PARN: variants seen among roughly 807,000 people sequenced by gnomAD.
PARN encodes the protein poly(A)-specific ribonuclease PARN.
PARN carries 71 observed loss-of-function variants against 102.8 expected under a neutral mutation model. The observed-to-expected ratio is 0.69, with a 90% CI of 0.57 to 0.84. The LOEUF (loss-of-function observed/expected upper bound fraction) is 0.84, where lower values mean the gene tolerates loss of function less well. PARN is among the 40% of genes least tolerant of loss of function. The pLI, the probability that PARN is intolerant of heterozygous loss-of-function variation, is 0.00. For missense variants in PARN, 782 were observed against 760.9 expected (o/e 1.03, Z -0.33); for synonymous variants, 261 against 252.9 (o/e 1.03, Z -0.30).
intron 8 of PARN, 77 bp from the exon 9 acceptor site, chr16:14,608,396 G>C: frequency 1.1e-6 from 1 of 946,576 alleles, no homozygotes; most frequent in Non-Finnish European, 1.6e-6. Flanking sequence ...TTGTTGAGAA[G>C]GATTTCGCTT....
chr16:14,618,413 G>A lies in PARN; in HGVS notation c.328-763C>T, dbSNP rs1376738749. On this transcript the variant is annotated intron_variant, in intron 5 of 23. Transcript: ENST00000437198. ...TGAGGCAGGAGAATGGCGTGAACCC[G>A]AGAGGTGGAGCTTGCAGTGAGCCGA... 3.3e-5 allele frequency among the ~76,000 whole-genome samples: 5 copies of A among 151,664 alleles called. No individual in the cohort carries two copies. The East Asian group carries it at 7.8e-4, about 24-fold the overall frequency.
rs1970389899 is a variant in PARN at position 14,594,520 on chromosome 16, G to A, written c.841-1142C>T. On this transcript the variant is annotated intron_variant, in intron 12 of 23. Coordinates refer to ENST00000437198, the MANE Select transcript of PARN (RefSeq NM_002582.4). Reference sequence around the variant, plus strand: ...ACCTGAGGTCGGGAGTTTGAGAACAGCCTGCCCAGCATGGCAAAATCCTGT... The same window carrying A: ...ACCTGAGGTCGGGAGTTTGAGAACAACCTGCCCAGCATGGCAAAATCCTGT... Among the ~76,000 whole-genome samples the A allele has an allele frequency of 2.0e-5, 3 of 152,276 alleles. No homozygotes were observed. The South Asian group carries it at 6.2e-4, about 32-fold the overall frequency.
chr16:14,580,132 G>A (rs374104662), intron 18 of PARN, among the ~76,000 whole-genome samples: 4 of 152,054 alleles, frequency 2.6e-5, no homozygotes, highest in South Asian at 2.1e-4. Flanking sequence ...CCACCGTGCC[G>A]GCTAATTTTT....
At chr16:14,496,623 T>C (rs1964330733) in intron 21 of PARN, among the ~76,000 whole-genome samples, 1 of 152,100 alleles carries the variant, frequency 6.6e-6, no homozygotes, top group African/African-American at 2.4e-5. Flanking sequence ...TAATTTAAGG[T>C]AAAATCAAAG....
Position 14,608,418 on chromosome 16 carries a change from T to C in PARN, c.621-99A>G, listed in dbSNP as rs542388969. ...GAAGGATTTCGCTTTAAAAAGAGAC[T>C]TCATTAGAACTGATAGGTAATTTGC... On this transcript the variant is annotated intron_variant, in intron 8 of 23. Coordinates refer to ENST00000437198, the MANE Select transcript of PARN (RefSeq NM_002582.4). 5.8e-4 allele frequency: 449 copies of C among 774,090 alleles called. 1 individual carries two copies. The highest frequency in any genetic ancestry group is 8.3e-4 in the Non-Finnish European group (393 of 472,340). The allele number at this position is 774,090 out of a possible 1,614,324, so 48.0% of individuals were successfully genotyped here.
chr16:14,504,396 A>C (rs898441404), intron 21 of PARN, among the ~76,000 whole-genome samples: 4 of 152,006 alleles, frequency 2.6e-5, no homozygotes, highest in African/African-American at 9.7e-5. Context: ...TGTCTCTAAT[A>C]AAAATACAAA....
Position 14,480,108 on chromosome 16 carries a change from G to A in PARN, c.1670+2530C>T, listed in dbSNP as rs560593501. ...AGCACTTTGGGAGGCCGAGGCTGCC[G>A]GATCACTTGAGGCCAGGAGTTCGAG... On this transcript the variant is annotated intron_variant, in intron 22 of 23. Transcript: ENST00000437198. 3.9e-5 allele frequency among the ~76,000 whole-genome samples: 6 copies of A among 152,064 alleles called. No homozygotes were observed. In the South Asian group the frequency reaches 6.2e-4, roughly 16 times the overall value.
chr16:14,621,142 T>C (rs973539728), intron 5 of PARN, among the ~76,000 whole-genome samples: 3 of 152,202 alleles, frequency 2.0e-5, no homozygotes, highest in Admixed American at 6.5e-5. Flanking sequence ...TCTTTTTTAA[T>C]CCTGTCCTGA....
At chr16:14,626,103 A>C (rs2151821617) in intron 5 of PARN, among the ~76,000 whole-genome samples, 1 of 152,324 alleles carries the variant, frequency 6.6e-6, no homozygotes, top group Non-Finnish European at 1.5e-5. Flanking sequence ...CAAGAGAAAC[A>C]GTAGTTTTTT....
intron 5 of PARN, among the ~76,000 whole-genome samples, chr16:14,619,574 TAACATAGGG>T (rs1159858733): frequency 6.6e-6 from 1 of 151,590 alleles, no homozygotes; most frequent in Non-Finnish European, 1.5e-5. Context: ...CCAGCCTGAG[TAACATAGGG>T]AGACCCATCT....
intron 23 of PARN, among the ~76,000 whole-genome samples, chr16:14,443,497 T>A (rs563687511): frequency 1.3e-5 from 2 of 152,242 alleles, no homozygotes; most frequent in East Asian, 3.9e-4. Context: ...TGCACCACCA[T>A]GCCAGGCTAA....
intron 21 of PARN, among the ~76,000 whole-genome samples, chr16:14,517,837 C>T (rs1197788940): frequency 6.6e-6 from 1 of 152,008 alleles, no homozygotes; most frequent in Non-Finnish European, 1.5e-5. Context: ...CGCCACCACA[C>T]CCAGCTAATT....
chr16:14,537,891 T>C (rs534088493), intron 21 of PARN, among the ~76,000 whole-genome samples: 1 of 152,164 alleles, frequency 6.6e-6, no homozygotes, highest in South Asian at 2.1e-4. Context: ...GTGGTAAATG[T>C]GGTTAAATAA....
At chr16:14,517,282 C>T (rs761228829) in intron 21 of PARN, among the ~76,000 whole-genome samples, 3 of 152,170 alleles carry the variant, frequency 2.0e-5, no homozygotes, top group Non-Finnish European at 4.4e-5. Context: ...CAAACTGAGG[C>T]TTGCAGGGTA....
chr16:14,578,984 CT>C (rs1178188171), intron 18 of PARN, among the ~76,000 whole-genome samples: 2 of 151,610 alleles, frequency 1.3e-5, no homozygotes, highest in African/African-American at 2.4e-5. Flanking sequence ...TCTCAGCTAG[CT>C]TTTTTTTCTT....
chr16:14,551,626 G>C (rs1967308843), intron 21 of PARN, among the ~76,000 whole-genome samples: 1 of 151,734 alleles, frequency 6.6e-6, no homozygotes, highest in Non-Finnish European at 1.5e-5. Flanking sequence ...CAAGTTTAAT[G>C]GAGTGAATAA....
At chr16:14,499,373 G>C (rs1458931930) in intron 21 of PARN, among the ~76,000 whole-genome samples, 1 of 152,184 alleles carries the variant, frequency 6.6e-6, no homozygotes, top group Non-Finnish European at 1.5e-5. Context: ...CAGTGAGCCT[G>C]CAGGGGAATC....
At chr16:14,605,957 T>C (rs1309066419) in intron 10 of PARN, among the ~76,000 whole-genome samples, 2 of 152,194 alleles carry the variant, frequency 1.3e-5, no homozygotes, top group African/African-American at 4.8e-5. Flanking sequence ...ACCCACGGTA[T>C]CACCATAAAA....
In PARN at chr16:14,436,595, C is replaced by T; in HGVS notation, c.*122G>A. The T allele has an allele frequency of 4.3e-6, 3 of 693,186 alleles. No homozygotes were observed. In the East Asian group the frequency reaches 8.2e-5, roughly 19 times the overall value. 42.9% of individuals were successfully genotyped at this position (693,186 alleles called of 1,614,324 possible). On this transcript the variant is annotated 3_prime_UTR_variant, in exon 24 of 24. Transcript: ENST00000437198. ...CTGTTTTCTCCCCCCCAGGAGACAA[C>T]TTGGTTTCCAACCCCTCCCATACCA...
Sources: allele counts gnomAD v4.1 joint callset (sites outside exome capture counted in the v4.1 genomes callset), GRCh38; gene constraint gnomAD v4.1.1; transcripts MANE v1.5; gene names NCBI Gene and HGNC (gene_info 2026-07-23, HGNC 2026-07-21).